CSRNP3: variants seen among roughly 807,000 people sequenced by gnomAD.
CSRNP3 encodes cysteine/serine-rich nuclear protein 3.
Under a neutral mutation model 48.0 loss-of-function variants are expected in CSRNP3, and 12 were observed. That is an observed-to-expected ratio of 0.25 (90% CI 0.16 to 0.41). The LOEUF is 0.41. CSRNP3 is among the 10% of genes least tolerant of loss of function. The pLI is 1.00. For missense variants in CSRNP3, 580 were observed against 724.4 expected (o/e 0.80, Z 2.29); for synonymous variants, 263 against 269.7 (o/e 0.98, Z 0.24).
At chr2:165,551,893 T>C (rs890441747) in intron 3 of CSRNP3, among the ~76,000 whole-genome samples, 8 of 152,146 alleles carry the variant, frequency 5.3e-5, no homozygotes, top group African/African-American at 1.9e-4. Context: ...ATTTTTAGAG[T>C]TGCAAAACAA....
In CSRNP3 at chr2:165,586,880, G is replaced by A. The variant is rs527667245; in HGVS notation, c.-23-8163G>A. Among the ~76,000 whole-genome samples the A allele has an allele frequency of 1.2e-4, 18 of 152,236 alleles. 1 individual carries two copies. The South Asian group carries it at 1.5e-3, about 12-fold the overall frequency. ...GGCATTAAAATGAATGTTTTTATCC[G>A]TCCTCTTGATTTGACATTTTTAATC... On this transcript the variant is annotated intron_variant, in intron 3 of 6. Transcript: ENST00000651982.
chr2:165,620,519 A>T (rs1318106450), intron 4 of CSRNP3, among the ~76,000 whole-genome samples: 1 of 152,164 alleles, frequency 6.6e-6, no homozygotes, highest in Non-Finnish European at 1.5e-5. Flanking sequence ...TTTACTTAGA[A>T]ATAAGGAAAT....
At chr2:165,629,660 T>C (rs1005410894) in intron 4 of CSRNP3, among the ~76,000 whole-genome samples, 1 of 152,214 alleles carries the variant, frequency 6.6e-6, no homozygotes, top group African/African-American at 2.4e-5. Context: ...TCTAGGGTCA[T>C]TCATGAAATA....
At chr2:165,572,265 TC>T (rs1389342097) in intron 3 of CSRNP3, 1 of 152,070 alleles carries the variant, frequency 6.6e-6, no homozygotes, top group African/African-American at 2.4e-5. Context: ...GATAAAAATA[TC>T]CATAGACACA....
intron 3 of CSRNP3, among the ~76,000 whole-genome samples, chr2:165,529,752 A>T (rs545891465): frequency 2.7e-4 from 41 of 152,338 alleles, no homozygotes; most frequent in Non-Finnish European, 4.3e-4. Context: ...TGCCTTATTT[A>T]TTCAGAACAT....
intron 3 of CSRNP3, among the ~76,000 whole-genome samples, chr2:165,556,499 G>C (rs1685162425): frequency 6.6e-6 from 1 of 152,132 alleles, no homozygotes; most frequent in South Asian, 2.1e-4. Context: ...AGTGGGTCAA[G>C]AACTTTGGGG....
intron 4 of CSRNP3, among the ~76,000 whole-genome samples, chr2:165,608,578 G>C (rs748214908): frequency 8.5e-5 from 13 of 152,122 alleles, no homozygotes; most frequent in Non-Finnish European, 1.8e-4. Flanking sequence ...TCTCATGTAT[G>C]TGCTAATTGT....
intron 2 of CSRNP3, among the ~76,000 whole-genome samples, chr2:165,498,122 T>C (rs1181820072): frequency 6.6e-6 from 1 of 152,092 alleles, no homozygotes; most frequent in Non-Finnish European, 1.5e-5. Context: ...GTTGAGACTT[T>C]CCTTGTATGT....
chr2:165,606,502 G>A (rs139582555), intron 4 of CSRNP3, among the ~76,000 whole-genome samples: 15 of 152,082 alleles, frequency 9.9e-5, no homozygotes, highest in South Asian at 2.1e-4. Flanking sequence ...ATCATTTCAC[G>A]TATGTCATAT....
chr2:165,508,725 C>T, intron 2 of CSRNP3, among the ~76,000 whole-genome samples: 1 of 152,096 alleles, frequency 6.6e-6, no homozygotes, highest in South Asian at 2.1e-4. Context: ...TTGGTTTTCT[C>T]ATTGGACAGC....
intron 3 of CSRNP3, among the ~76,000 whole-genome samples, chr2:165,531,266 C>T (rs747824298): frequency 2.6e-5 from 4 of 152,134 alleles, no homozygotes; most frequent in Non-Finnish European, 5.9e-5. Flanking sequence ...TCCTACTCCA[C>T]CCTCTTCCCA....
At chr2:165,562,088 T>C (rs998455188) in intron 3 of CSRNP3, among the ~76,000 whole-genome samples, 2 of 152,120 alleles carry the variant, frequency 1.3e-5, no homozygotes, top group African/African-American at 4.8e-5. Flanking sequence ...ATCCAAAATG[T>C]AAAAATGTTT....
intron 4 of CSRNP3, among the ~76,000 whole-genome samples, chr2:165,602,639 C>G (rs1184886654): frequency 2.6e-5 from 4 of 152,154 alleles, no homozygotes; most frequent in Non-Finnish European, 2.9e-5. Flanking sequence ...GTTATCAGAT[C>G]ATCTGTCTGC....
chr2:165,558,764 A>G (rs927317583), intron 3 of CSRNP3, among the ~76,000 whole-genome samples: 3 of 152,214 alleles, frequency 2.0e-5, no homozygotes, highest in Non-Finnish European at 4.4e-5. Flanking sequence ...TACTCAATTT[A>G]TAGTGAATGG....
At chr2:165,659,853 C>A (rs1356474696) in intron 5 of CSRNP3, among the ~76,000 whole-genome samples, 3 of 152,158 alleles carry the variant, frequency 2.0e-5, no homozygotes, top group African/African-American at 7.2e-5. Flanking sequence ...TTCAAAACAT[C>A]TTGTTTTCAT....
In CSRNP3 at chr2:165,683,806, T is replaced by G. The variant is rs537662558; in HGVS notation, c.*4053T>G. ...TAATATGTGATTTTATCAAGTGACATTAGAAAAACTGACATCAGTTCTTGT... is the reference window on the plus strand; with the variant it reads ...TAATATGTGATTTTATCAAGTGACAGTAGAAAAACTGACATCAGTTCTTGT... On this transcript the variant is annotated 3_prime_UTR_variant, in exon 7 of 7. Coordinates refer to ENST00000651982, the MANE Select transcript of CSRNP3 (RefSeq NM_001172173.2). 1 of 152,170 alleles carries G rather than the reference T, an allele frequency of 6.6e-6. No homozygotes were observed. Among genetic ancestry groups the G allele is most frequent in the South Asian group, 2.1e-4 (1 of 4,826 alleles). 9.4% of individuals were successfully genotyped at this position (152,170 alleles called of 1,614,324 possible). A position where few individuals can be genotyped will look rare whatever the true frequency, so the allele number is the denominator to read the frequency against.
At chr2:165,672,281 C>T (rs1162359587) in intron 5 of CSRNP3, among the ~76,000 whole-genome samples, 1 of 152,192 alleles carries the variant, frequency 6.6e-6, no homozygotes, top group Non-Finnish European at 1.5e-5. Context: ...AGTCTGTTCT[C>T]ATGCTGTTGG....
chr2:165,632,531 A>G (rs1291225287), intron 4 of CSRNP3, among the ~76,000 whole-genome samples: 1 of 152,116 alleles, frequency 6.6e-6, no homozygotes, highest in East Asian at 1.9e-4. Context: ...AACAAAAATA[A>G]GGAAACCAAA....
chr2:165,687,666 G>A lies in CSRNP3; in HGVS notation c.*7913G>A, dbSNP rs1303513797. On this transcript the variant is annotated 3_prime_UTR_variant, in exon 7 of 7. Transcript: ENST00000651982. Reference sequence around the variant, plus strand: ...ATTTGATCCCAGCCTTTGTCCTTGTGTTATTTAAACAATGGCTTCCTGCTT... The same window carrying A: ...ATTTGATCCCAGCCTTTGTCCTTGTATTATTTAAACAATGGCTTCCTGCTT... 6.6e-6 allele frequency: 1 copy of A among 151,992 alleles called. No homozygotes were observed. The highest frequency in any genetic ancestry group is 2.4e-5 in the African/African-American group (1 of 41,376). The allele number at this position is 151,992 out of a possible 1,614,324, so 9.4% of individuals were successfully genotyped here.
Sources: allele counts gnomAD v4.1 joint callset (sites outside exome capture counted in the v4.1 genomes callset), GRCh38; gene constraint gnomAD v4.1.1; transcripts MANE v1.5; gene names NCBI Gene and HGNC (gene_info 2026-07-23, HGNC 2026-07-21).